The following G3BP2 variants were observed in gnomAD, a reference collection of about 807,000 sequenced individuals.
G3BP2 encodes ras GTPase-activating protein-binding protein 2.
Under a neutral mutation model 56.7 loss-of-function variants are expected in G3BP2, and 11 were observed. The ratio of observed to expected loss-of-function variants is 0.19; its 90% CI spans 0.12 to 0.32. G3BP2 has a LOEUF of 0.32. Among genes scored for constraint, G3BP2 ranks in the 10% least tolerant of loss-of-function variants. The pLI is 1.00. For synonymous variants in G3BP2, 165 were observed against 191.6 expected, an observed-to-expected ratio of 0.86 and a Z score of 1.15; for missense variants, 340 against 610.9, an observed-to-expected ratio of 0.56 and a Z score of 4.67.
At chr4:75,689,267 C>CT (rs1244365758) in intron 3 of G3BP2, among the ~76,000 whole-genome samples, 1 of 151,970 alleles carries the variant, frequency 6.6e-6, no homozygotes, top group Admixed American at 6.6e-5. Flanking sequence ...ATCCCACCTA[C>CT]TGGGGAGGCT....
intron 3 of G3BP2, among the ~76,000 whole-genome samples, chr4:75,700,358 G>T (rs150426325): frequency 7.2e-6 from 1 of 139,588 alleles, no homozygotes; most frequent in East Asian, 2.5e-4. Context: ...AGCCCTGAAT[G>T]CTTAATTTAG....
chr4:75,648,392 A>G (rs1357291699), intron 9 of G3BP2, among the ~76,000 whole-genome samples: 1 of 151,880 alleles, frequency 6.6e-6, no homozygotes, highest in Non-Finnish European at 1.5e-5. Context: ...AAACCGTGAC[A>G]ATAACCAAAT....
intron 3 of G3BP2, among the ~76,000 whole-genome samples, chr4:75,679,922 A>C (rs1411351505): frequency 6.6e-6 from 1 of 152,232 alleles, no homozygotes; most frequent in Non-Finnish European, 1.5e-5. Flanking sequence ...ATGAGGAGGC[A>C]TTTGCCCTGA....
chr4:75,673,269 G>A lies in G3BP2; in HGVS notation c.-86C>T, dbSNP rs1733656645. On this transcript the variant is annotated 5_prime_UTR_variant, in exon 1 of 12. Coordinates refer to ENST00000359707, the MANE Select transcript of G3BP2 (RefSeq NM_203505.3). Reference sequence around the variant, plus strand: ...GGTCAGAAGAGTCGCTGAGGACCGGGTGCGGCGGGTTCTTATTGCTCGCCG... The same window carrying A: ...GGTCAGAAGAGTCGCTGAGGACCGGATGCGGCGGGTTCTTATTGCTCGCCG... 2.4e-6 allele frequency: 3 copies of A among 1,225,460 alleles called. No homozygotes were observed. Among genetic ancestry groups the A allele is most frequent in the Non-Finnish European group, 3.0e-6 (3 of 984,294 alleles). The allele number at this position is 1,225,460 out of a possible 1,614,324, so 75.9% of individuals were successfully genotyped here.
At chr4:75,657,118 T>C in intron 4 of G3BP2, 104 bp from the exon 5 acceptor site, 1 of 602,602 alleles carries the variant, frequency 1.7e-6, no homozygotes, top group Non-Finnish European at 2.9e-6. Flanking sequence ...ACTAGAGATC[T>C]TGACTCAATA....
At chr4:75,663,530 G>A (rs1183134576) in intron 1 of G3BP2, among the ~76,000 whole-genome samples, 1 of 152,010 alleles carries the variant, frequency 6.6e-6, no homozygotes, top group South Asian at 2.1e-4. Flanking sequence ...CTCACTTCAG[G>A]TGTGAGCCAC....
At chr4:75,719,790 T>G (rs1720082114) in intron 3 of G3BP2, among the ~76,000 whole-genome samples, 1 of 151,924 alleles carries the variant, frequency 6.6e-6, no homozygotes, top group Non-Finnish European at 1.5e-5. Context: ...GATTTCTCCA[T>G]GTTGGTCAGG....
In G3BP2 at chr4:75,644,039, AAATG is replaced by A. The variant is rs1188574439; in HGVS notation, c.*1387_*1390del. On this transcript the variant is annotated 3_prime_UTR_variant, in exon 12 of 12. Transcript: ENST00000359707. ...CTGACATCAGTTCAAGAATTGTGCA[AAATG>A]AATGACAGTTCCCTGCCCCCCAAAT... The A allele has an allele frequency of 6.6e-6, 1 of 152,644 alleles. No individual in the cohort carries two copies. Among genetic ancestry groups the A allele is most frequent in the African/African-American group, 2.4e-5 (1 of 41,462 alleles). 9.5% of individuals were successfully genotyped at this position (152,644 alleles called of 1,614,324 possible).
chr4:75,680,159 CTA>C (rs1444729907), intron 3 of G3BP2, among the ~76,000 whole-genome samples: 1 of 152,158 alleles, frequency 6.6e-6, no homozygotes, highest in African/African-American at 2.4e-5. Flanking sequence ...AGCAGATATT[CTA>C]TGTCTTTGGA....
chr4:75,689,271 G>T (rs1718752181), intron 3 of G3BP2, among the ~76,000 whole-genome samples: 1 of 152,092 alleles, frequency 6.6e-6, no homozygotes, highest in African/African-American at 2.4e-5. Context: ...CACCTACTGG[G>T]GAGGCTGAGG....
At chr4:75,710,602 C>T (rs547241505) in intron 3 of G3BP2, among the ~76,000 whole-genome samples, 1 of 152,254 alleles carries the variant, frequency 6.6e-6, no homozygotes, top group African/African-American at 2.4e-5. Flanking sequence ...TGCTCACTAG[C>T]CGCTTATTTA....
chr4:75,680,441 A>C (rs78670389), intron 3 of G3BP2, among the ~76,000 whole-genome samples: 1,816 of 152,324 alleles, frequency 0.012, 34 homozygotes, highest in African/African-American at 0.042. Context: ...CTCAGTGGAT[A>C]AACAGCCTAC....
intron 3 of G3BP2, among the ~76,000 whole-genome samples, chr4:75,714,708 A>G (rs189391955): frequency 1.2e-4 from 19 of 152,324 alleles, no homozygotes; most frequent in Non-Finnish European, 2.5e-4. Flanking sequence ...TTCTGAAATT[A>G]GTTCAATATA....
At chr4:75,697,559 A>G (rs375711972) in intron 3 of G3BP2, among the ~76,000 whole-genome samples, 10 of 152,304 alleles carry the variant, frequency 6.6e-5, no homozygotes, top group Middle Eastern at 6.8e-3. Context: ...AAGGCAAGCA[A>G]TAAACTGGGC....
chr4:75,712,916 C>A (rs960890819), intron 3 of G3BP2, among the ~76,000 whole-genome samples: 3 of 151,910 alleles, frequency 2.0e-5, no homozygotes, highest in African/African-American at 7.3e-5. Flanking sequence ...ATTTCTAAAA[C>A]CAGCAAAAGG....
chr4:75,655,242 C>T lies in G3BP2; in HGVS notation c.550G>A (p.Gly184Ser). Reference protein sequence around the residue: ...GYYEAHPVTNGIEEPLEESSH... With the variant: ...GYYEAHPVTNSIEEPLEESSH... The stretch of plus-strand genomic sequence containing the variant: ...GATTCTTCCAAAGGCTCCTCTATGC[C>T]ATTACTACAATAAAATATTTAGTTC... Residue 184 changes from glycine (G) to serine (S), a missense_variant, in exon 7 of 12, where the codon GGC becomes AGC. Coordinates refer to ENST00000359707, the MANE Select transcript of G3BP2 (RefSeq NM_203505.3). 6.2e-7 allele frequency: 1 copy of T among 1,600,724 alleles called. No individual in the cohort carries two copies. The highest frequency in any genetic ancestry group is 1.1e-5 in the South Asian group (1 of 88,860).
chr4:75,687,944 G>A (rs1560414088), intron 3 of G3BP2, among the ~76,000 whole-genome samples: 1 of 152,204 alleles, frequency 6.6e-6, no homozygotes, highest in African/African-American at 2.4e-5. Context: ...AGTTAAAAAT[G>A]CTATATAAAA....
At chr4:75,648,544 CT>C (rs1200459614) in intron 9 of G3BP2, 94 bp downstream of exon 9, 10 of 623,056 alleles carry the variant, frequency 1.6e-5, no homozygotes, top group Non-Finnish European at 2.6e-5. Flanking sequence ...CTATATGGGT[CT>C]GTGTATAGAA....
intron 1 of G3BP2, among the ~76,000 whole-genome samples, chr4:75,672,073 A>C (rs1733531230): frequency 6.6e-6 from 1 of 152,222 alleles, no homozygotes; most frequent in Non-Finnish European, 1.5e-5. Context: ...TGAACCTAAA[A>C]CCACAGTATC....
Sources: gnomAD v4.1 joint callset for allele counts (sites outside exome capture counted in the v4.1 genomes callset) on GRCh38, gnomAD v4.1.1 for gene constraint, MANE v1.5 for transcripts, NCBI Gene and HGNC (gene_info 2026-07-23, HGNC 2026-07-21) for gene names.